Variants in PTPRT observed in about 807,000 individuals in gnomAD.
The protein encoded by PTPRT is protein tyrosine phosphatase receptor type T, also known as receptor-type tyrosine-protein phosphatase T.
A neutral mutation model predicts 176.8 loss-of-function variants in PTPRT; 56 were observed. The ratio of observed to expected loss-of-function variants is 0.32; its 90% CI spans 0.26 to 0.40. The LOEUF (loss-of-function observed/expected upper bound fraction) is 0.40. Among genes scored for constraint, PTPRT ranks in the 10% least tolerant of loss-of-function variants. The pLI is 1.00. For missense variants in PTPRT, 1,540 were observed against 1,908.2 expected (o/e 0.81, Z 3.60); for synonymous variants, 783 against 739.0 (o/e 1.06, Z -0.96).
intron 26 of PTPRT, among the ~76,000 whole-genome samples, chr20:42,099,620 T>C (rs1440757026): frequency 4.1e-5 from 6 of 146,666 alleles, no homozygotes; most frequent in Non-Finnish European, 7.5e-5. Context: ...CCTGAAGTCA[T>C]GTATTTGAAA....
chr20:43,140,702 C>T (rs558585727), intron 1 of PTPRT, among the ~76,000 whole-genome samples: 1 of 152,208 alleles, frequency 6.6e-6, no homozygotes, highest in Non-Finnish European at 1.5e-5. Flanking sequence ...ATTAATGCCC[C>T]CATTCAGTGT....
intron 1 of PTPRT, among the ~76,000 whole-genome samples, chr20:43,094,750 C>T (rs2012055667): frequency 6.6e-6 from 1 of 152,084 alleles, no homozygotes. Flanking sequence ...CCTGTTACTA[C>T]GGGAGCTCTA....
chr20:43,136,556 A>G (rs2013839512), intron 1 of PTPRT, among the ~76,000 whole-genome samples: 1 of 152,140 alleles, frequency 6.6e-6, no homozygotes, highest in Non-Finnish European at 1.5e-5. Context: ...GCTTACCTGT[A>G]TTTTTGGTGA....
chr20:42,333,423 C>A (rs2057995237), intron 11 of PTPRT, among the ~76,000 whole-genome samples: 1 of 150,556 alleles, frequency 6.6e-6, no homozygotes, highest in Non-Finnish European at 1.5e-5. Flanking sequence ...CCTCTGACTC[C>A]CTGGTTCAAG....
chr20:43,026,837 T>C (rs1985933524), intron 1 of PTPRT, among the ~76,000 whole-genome samples: 1 of 152,190 alleles, frequency 6.6e-6, no homozygotes, highest in African/African-American at 2.4e-5. Flanking sequence ...GGTCTTTCTG[T>C]CTCTGGGCTA....
chr20:43,132,833 A>G (rs1162782112), intron 1 of PTPRT, among the ~76,000 whole-genome samples: 2 of 152,200 alleles, frequency 1.3e-5, no homozygotes, highest in Non-Finnish European at 2.9e-5. Context: ...GGACAACTTG[A>G]TAGTTATTTG....
intron 17 of PTPRT, 25 bp downstream of exon 17, chr20:42,161,327 G>T: frequency 6.2e-7 from 1 of 1,613,486 alleles, no homozygotes; most frequent in South Asian, 1.1e-5. Flanking sequence ...CTATCAGGAA[G>T]TTTCCCCACA....
chr20:42,514,483 T>A (rs2072023288), intron 7 of PTPRT, among the ~76,000 whole-genome samples: 1 of 152,236 alleles, frequency 6.6e-6, no homozygotes, highest in Non-Finnish European at 1.5e-5. Context: ...AGATTCATGA[T>A]TTACTCTAGA....
At chr20:42,684,147 G>A (rs1036008039) in intron 6 of PTPRT, among the ~76,000 whole-genome samples, 2 of 152,150 alleles carry the variant, frequency 1.3e-5, no homozygotes, top group Non-Finnish European at 2.9e-5. Flanking sequence ...GAGGTCAGGA[G>A]TTTGAGACCA....
chr20:42,106,882 G>T lies in PTPRT; in HGVS notation c.3294C>A (p.Asp1098Glu), dbSNP rs541455681. Reference protein sequence around the residue: ...AGRTGCFIAIDTMLDMAENEG... With the variant: ...AGRTGCFIAIETMLDMAENEG... Reference sequence around the variant, plus strand: ...CATTCTCGGCCATGTCAAGCATGGTGTCAATGGCAATGAAGCAGCCAGTCC... The same window carrying T: ...CATTCTCGGCCATGTCAAGCATGGTTTCAATGGCAATGAAGCAGCCAGTCC... Residue 1098 changes from aspartate to glutamate, a missense_variant, in exon 24 of 31, where the codon GAC becomes GAA. Coordinates refer to ENST00000373187, the MANE Select transcript of PTPRT (RefSeq NM_007050.6). 1 of 1,614,150 alleles carries T rather than the reference G, an allele frequency of 6.2e-7. No individual in the cohort carries two copies. Among genetic ancestry groups the T allele is most frequent in the African/African-American group, 1.3e-5 (1 of 75,038 alleles).
At chr20:42,331,515 G>A (rs1265200557) in intron 11 of PTPRT, among the ~76,000 whole-genome samples, 1 of 151,880 alleles carries the variant, frequency 6.6e-6, no homozygotes, top group Non-Finnish European at 1.5e-5. Flanking sequence ...TACTAATTAA[G>A]CATTAAATTA....
intron 3 of PTPRT, among the ~76,000 whole-genome samples, chr20:42,783,021 C>T (rs1428840819): frequency 3.3e-5 from 5 of 152,082 alleles, no homozygotes; most frequent in African/African-American, 1.2e-4. Context: ...AATGTAAAGA[C>T]AGAATGAAAC....
chr20:42,062,696 A>G, the PTPRT span, among the ~76,000 whole-genome samples: 6 of 151,834 alleles, frequency 4.0e-5, no homozygotes, highest in African/African-American at 1.5e-4. Context: ...TTTTCCCTGC[A>G]GGCAGGCCTG....
At chr20:42,756,770 C>G in intron 5 of PTPRT, 134 bp from the exon 6 acceptor site, 1 of 760,454 alleles carries the variant, frequency 1.3e-6, no homozygotes, top group South Asian at 2.4e-5. Context: ...GGATTTCCAG[C>G]CAGGCACAGT....
At chr20:42,780,166 T>C in intron 4 of PTPRT, 52 bp downstream of exon 4, 1 of 1,409,938 alleles carries the variant, frequency 7.1e-7, no homozygotes, top group Non-Finnish European at 1.0e-6. Flanking sequence ...GGCTCTATGC[T>C]ACCCAGTCTG....
chr20:42,350,323 G>A (rs1179933376), intron 11 of PTPRT, among the ~76,000 whole-genome samples: 1 of 148,250 alleles, frequency 6.7e-6, no homozygotes, highest in African/African-American at 2.5e-5. Flanking sequence ...TGGTCTTCCA[G>A]GCCCAAGCAA....
intron 7 of PTPRT, among the ~76,000 whole-genome samples, chr20:42,578,905 G>A (rs1222779511): frequency 1.3e-5 from 2 of 150,344 alleles, no homozygotes; most frequent in Non-Finnish European, 1.5e-5. Context: ...TTTTTTTTGG[G>A]GGGGGGTCGG....
Position 43,068,227 on chromosome 20 carries a change from A to G in PTPRT, c.88+121419T>C, listed in dbSNP as rs534774313. 5.9e-4 allele frequency among the ~76,000 whole-genome samples: 88 copies of G among 148,862 alleles called. 1 individual carries two copies. In the East Asian group the frequency reaches 6.5e-3, roughly 11 times the overall value. ...TGATTTTTAAAACGAATTAGGGGCC[A>G]GGCGCAGTGGCTCATGCCTGTAATC... On this transcript the variant is annotated intron_variant, in intron 1 of 30. Transcript: ENST00000373187.
At chr20:42,852,633 T>G (rs1393635161) in intron 2 of PTPRT, among the ~76,000 whole-genome samples, 1 of 152,138 alleles carries the variant, frequency 6.6e-6, no homozygotes, top group Non-Finnish European at 1.5e-5. Context: ...AGTTTGAGGA[T>G]TTTTCTCCAC....
Sources: allele counts gnomAD v4.1 joint callset (sites outside exome capture counted in the v4.1 genomes callset), GRCh38; gene constraint gnomAD v4.1.1; transcripts MANE v1.5; gene names NCBI Gene and HGNC (gene_info 2026-07-23, HGNC 2026-07-21).